Variants in UBE2L3 observed in about 807,000 individuals in gnomAD.
UBE2L3 encodes ubiquitin-conjugating enzyme E2 L3.
A neutral mutation model predicts 17.8 loss-of-function variants in UBE2L3; 1 was observed. That is an observed-to-expected ratio of 0.06 (90% CI 0.02 to 0.27). The LOEUF is 0.27. Among genes scored for constraint, UBE2L3 ranks in the 10% least tolerant of loss-of-function variants. The pLI, the probability that UBE2L3 is intolerant of heterozygous loss-of-function variation, is 1.00. For synonymous variants in UBE2L3, 44 were observed against 68.5 expected (o/e 0.64, Z 1.76); for missense variants, 40 against 192.6 (o/e 0.21, Z 4.69).
intron 1 of UBE2L3, among the ~76,000 whole-genome samples, chr22:21,580,934 A>G (rs138153691): frequency 1.1e-4 from 17 of 152,040 alleles, no homozygotes; most frequent in African/African-American, 4.1e-4. Flanking sequence ...GCTGGAGTGC[A>G]GTGGCATGAT....
chr22:21,576,496 C>T (rs1927304627), intron 1 of UBE2L3, among the ~76,000 whole-genome samples: 1 of 151,924 alleles, frequency 6.6e-6, no homozygotes, highest in Non-Finnish European at 1.5e-5. Context: ...GACGGGGTTT[C>T]ACCATGTTAG....
intron 1 of UBE2L3, among the ~76,000 whole-genome samples, chr22:21,556,113 C>T (rs1490487328): frequency 3.0e-4 from 46 of 152,242 alleles, no homozygotes; most frequent in Non-Finnish European, 4.6e-4. Flanking sequence ...TGCCTGTACT[C>T]CTAGAGACTT....
Position 21,592,752 on chromosome 22 carries a change from T to C in UBE2L3, c.28-109T>C, listed in dbSNP as rs149711719. 27 of 860,942 alleles carry C rather than the reference T, an allele frequency of 3.1e-5. No individual in the cohort carries two copies. The African/African-American group carries it at 4.2e-4, about 13-fold the overall frequency. The allele number at this position is 860,942 out of a possible 1,614,324, so 53.3% of individuals were successfully genotyped here. ...ACAGTTTAGTCCTCACTGTCCAATT[T>C]TGTCATTAGCATTTTTGGCACTTGG... On this transcript the variant is annotated intron_variant, in intron 1 of 3. Transcript: ENST00000342192.
At chr22:21,602,204 T>G (rs369428000) in intron 2 of UBE2L3, among the ~76,000 whole-genome samples, 186 of 152,184 alleles carry the variant, frequency 1.2e-3, no homozygotes, top group Middle Eastern at 6.8e-3. Flanking sequence ...TAGGCAGAAG[T>G]GACAACAGTG....
chr22:21,599,742 G>A (rs958200664), intron 2 of UBE2L3, among the ~76,000 whole-genome samples: 1 of 152,218 alleles, frequency 6.6e-6, no homozygotes, highest in Admixed American at 6.5e-5. Context: ...CTGTGCAGCA[G>A]AGGCCTGACG....
At chr22:21,598,862 A>T (rs1928701296) in intron 2 of UBE2L3, among the ~76,000 whole-genome samples, 1 of 147,992 alleles carries the variant, frequency 6.8e-6, no homozygotes, top group Non-Finnish European at 1.5e-5. Context: ...TTTTTTTTTG[A>T]GACAGAGTCA....
intron 1 of UBE2L3, among the ~76,000 whole-genome samples, chr22:21,584,544 C>T (rs1399762095): frequency 6.6e-6 from 1 of 151,844 alleles, no homozygotes; most frequent in Non-Finnish European, 1.5e-5. Context: ...CACTCTGTCA[C>T]CCAGACTGGA....
intron 1 of UBE2L3, among the ~76,000 whole-genome samples, chr22:21,572,031 C>T (rs1926996449): frequency 6.6e-6 from 1 of 152,116 alleles, no homozygotes; most frequent in Non-Finnish European, 1.5e-5. Flanking sequence ...TAAGTTGGGA[C>T]TGTTTCAGCC....
At chr22:21,582,143 CAAAAA>C (rs547252520) in intron 1 of UBE2L3, among the ~76,000 whole-genome samples, 1 of 136,436 alleles carries the variant, frequency 7.3e-6, no homozygotes, top group Non-Finnish European at 1.6e-5. Flanking sequence ...AAAAAACAAA[CAAAAA>C]AAAAAACAGT....
chr22:21,592,353 A>G (rs139314247), intron 1 of UBE2L3, among the ~76,000 whole-genome samples: 29 of 151,758 alleles, frequency 1.9e-4, no homozygotes, highest in Non-Finnish European at 4.0e-4. Context: ...TCACACTTAT[A>G]GCACTGGGTA....
chr22:21,584,675 TC>T (rs1219138990), intron 1 of UBE2L3, among the ~76,000 whole-genome samples: 1 of 149,898 alleles, frequency 6.7e-6, no homozygotes, highest in Non-Finnish European at 1.5e-5. Context: ...CAAGTGATTT[TC>T]CCGCTTCGGC....
chr22:21,589,834 C>T (rs1412787313), intron 1 of UBE2L3, among the ~76,000 whole-genome samples: 2 of 152,126 alleles, frequency 1.3e-5, no homozygotes, highest in African/African-American at 4.8e-5. Context: ...CTTAACTTGA[C>T]GGCAAGGTAA....
At chr22:21,615,298 G>A (rs1019595660) in intron 3 of UBE2L3, among the ~76,000 whole-genome samples, 7 of 152,284 alleles carry the variant, frequency 4.6e-5, no homozygotes, top group South Asian at 2.1e-4. Flanking sequence ...GCTCACGCCT[G>A]TAGTCCCAGC....
At chr22:21,616,298 G>A (rs1382011450) in intron 3 of UBE2L3, among the ~76,000 whole-genome samples, 1 of 152,142 alleles carries the variant, frequency 6.6e-6, no homozygotes, top group Non-Finnish European at 1.5e-5. Flanking sequence ...TGATTGTCAG[G>A]GTCTAGGAGG....
chr22:21,605,012 G>A (rs754563010), intron 2 of UBE2L3, among the ~76,000 whole-genome samples: 3 of 152,088 alleles, frequency 2.0e-5, no homozygotes, highest in East Asian at 1.9e-4. Context: ...AGGCAGTGGC[G>A]TGATCATGGC....
At chr22:21,563,927 AACTCCGGG>A (rs1926543562), upstream of UBE2L3, among the ~76,000 whole-genome samples, 1 of 151,760 alleles carries the variant, frequency 6.6e-6, no homozygotes, top group African/African-American at 2.4e-5. Flanking sequence ...GCCGGTCTTG[AACTCCGGG>A]CCTCAAGTAA....
At chr22:21,618,906 G>C (rs1010982425) in intron 3 of UBE2L3, among the ~76,000 whole-genome samples, 3 of 152,152 alleles carry the variant, frequency 2.0e-5, no homozygotes, top group Non-Finnish European at 4.4e-5. Flanking sequence ...TTACCAAGGT[G>C]ATGATAGTGA....
At chr22:21,601,902 G>GCGGAGCTTGCAGTGAGC (rs1309190358) in intron 2 of UBE2L3, among the ~76,000 whole-genome samples, 3 of 151,070 alleles carry the variant, frequency 2.0e-5, no homozygotes, top group African/African-American at 7.3e-5. Flanking sequence ...AACCCGGGAG[G>GCGGAGCTTGCAGTGAGC]CGGAGCTTGC....
chr22:21,561,655 C>T (rs1316392198), intron 1 of UBE2L3, among the ~76,000 whole-genome samples: 1 of 152,262 alleles, frequency 6.6e-6, no homozygotes, highest in Non-Finnish European at 1.5e-5. Flanking sequence ...GAGTCCCTGC[C>T]ACGATGGACA....
Sources: allele counts gnomAD v4.1 joint callset (sites outside exome capture counted in the v4.1 genomes callset), GRCh38; gene constraint gnomAD v4.1.1; transcripts MANE v1.5; gene names NCBI Gene and HGNC (gene_info 2026-07-23, HGNC 2026-07-21).